ARHGAP24: variants seen among roughly 807,000 people sequenced by gnomAD.
The protein encoded by ARHGAP24 is Rho GTPase activating protein 24, also known as rho GTPase-activating protein 24.
ARHGAP24 carries 50 observed loss-of-function variants against 76.4 expected under a neutral mutation model. The ratio of observed to expected loss-of-function variants is 0.65; its 90% CI spans 0.52 to 0.83. The LOEUF (loss-of-function observed/expected upper bound fraction) is 0.83, where lower values mean the gene tolerates loss of function less well. ARHGAP24 is among the 40% of genes least tolerant of loss of function. The pLI is 0.00. For synonymous variants in ARHGAP24, 345 were observed against 323.3 expected (o/e 1.07, Z -0.72); for missense variants, 930 against 914.2 (o/e 1.02, Z -0.22).
chr4:85,643,103 A>C (rs1362079456), intron 2 of ARHGAP24, among the ~76,000 whole-genome samples: 5 of 152,008 alleles, frequency 3.3e-5, no homozygotes. Flanking sequence ...ATCTTTGTGC[A>C]CATGTTACTT....
intron 2 of ARHGAP24, among the ~76,000 whole-genome samples, chr4:85,585,095 G>A (rs1052632401): frequency 1.3e-5 from 2 of 152,046 alleles, no homozygotes; most frequent in Non-Finnish European, 2.9e-5. Flanking sequence ...AGCTCTATGG[G>A]CATTTGCAGG....
At chr4:85,968,931 A>C (rs2148848654) in intron 5 of ARHGAP24, among the ~76,000 whole-genome samples, 1 of 152,268 alleles carries the variant, frequency 6.6e-6, no homozygotes. Flanking sequence ...ATTTCTATAT[A>C]ATTAGCTGTG....
At chr4:85,624,657 A>G (rs911103699) in intron 2 of ARHGAP24, among the ~76,000 whole-genome samples, 8 of 152,192 alleles carry the variant, frequency 5.3e-5, no homozygotes, top group Non-Finnish European at 8.8e-5. Flanking sequence ...TTTCAGAAGG[A>G]ATGGTACCAG....
At chr4:85,737,137 TG>T (rs1470315964) in intron 3 of ARHGAP24, among the ~76,000 whole-genome samples, 1 of 152,126 alleles carries the variant, frequency 6.6e-6, no homozygotes, top group Non-Finnish European at 1.5e-5. Context: ...TTTGTTTGTT[TG>T]TTTGTTTTTT....
At chr4:85,738,405 C>CATT (rs1243287163) in intron 3 of ARHGAP24, among the ~76,000 whole-genome samples, 1,503 of 76,922 alleles carry the variant, frequency 0.02, 15 homozygotes, top group South Asian at 0.062. Context: ...TTATTATTAT[C>CATT]ATTATTATTA....
chr4:85,580,500 AT>A (rs1727563671), intron 2 of ARHGAP24, among the ~76,000 whole-genome samples: 1 of 152,090 alleles, frequency 6.6e-6, no homozygotes, highest in Non-Finnish European at 1.5e-5. Flanking sequence ...ACTTTTCATT[AT>A]TTCACATGAA....
At chr4:85,665,698 A>G (rs1376042487) in intron 2 of ARHGAP24, among the ~76,000 whole-genome samples, 1 of 152,120 alleles carries the variant, frequency 6.6e-6, no homozygotes, top group East Asian at 1.9e-4. Context: ...GAGCTCTTTT[A>G]GGGCAGGCCT....
At chr4:85,981,270 G>A (rs114026772) in intron 8 of ARHGAP24, among the ~76,000 whole-genome samples, 187 of 152,232 alleles carry the variant, frequency 1.2e-3, no homozygotes, top group African/African-American at 4.3e-3. Flanking sequence ...TGAACTAAAC[G>A]TTTCACTTCA....
intron 2 of ARHGAP24, among the ~76,000 whole-genome samples, chr4:85,603,116 A>G (rs941132321): frequency 2.0e-5 from 3 of 152,236 alleles, no homozygotes; most frequent in Non-Finnish European, 4.4e-5. Context: ...TAGTAAACAA[A>G]TAAATATGTT....
rs764412573 is a variant in ARHGAP24, at chr4:85,942,137, T to C, written c.463T>C (p.Leu155=). ...ATATGGGAACCGTCTGGCTCCGATG[T>C]TGGTGGAGCAGTGCGTGGACTTTAT... ...KRYGNRLAPM[L]VEQCVDFIRQ... is the part of the protein sequence containing the mutation. Residue 155 remains leucine, a synonymous_variant, in exon 5 of 10, where the codon TTG becomes CTG. Transcript: ENST00000395184. The C allele has an allele frequency of 8.1e-6, 13 of 1,613,912 alleles. No homozygotes were observed. Among genetic ancestry groups the C allele is most frequent in the South Asian group, 1.1e-5 (1 of 91,056 alleles).
At chr4:85,548,802 T>C (rs10029756) in intron 1 of ARHGAP24, among the ~76,000 whole-genome samples, 89,505 of 151,944 alleles carry the variant, frequency 0.59, 27,608 homozygotes, top group Middle Eastern at 0.74. Context: ...CTTAGAAAGG[T>C]CCCTTGTGCC....
At chr4:85,834,038 A>G (rs938707444) in intron 3 of ARHGAP24, among the ~76,000 whole-genome samples, 1 of 152,236 alleles carries the variant, frequency 6.6e-6, no homozygotes, top group Non-Finnish European at 1.5e-5. Flanking sequence ...GAAAATATGT[A>G]TGTATGTATT....
chr4:85,519,511 A>G (rs988367561), intron 1 of ARHGAP24, among the ~76,000 whole-genome samples: 1 of 152,140 alleles, frequency 6.6e-6, no homozygotes, highest in Non-Finnish European at 1.5e-5. Flanking sequence ...ATTAACTATC[A>G]TTAATGAGAG....
intron 3 of ARHGAP24, among the ~76,000 whole-genome samples, chr4:85,740,892 T>TA (rs906607094): frequency 6.6e-6 from 1 of 152,214 alleles, no homozygotes; most frequent in African/African-American, 2.4e-5. Context: ...TCCCTATGCA[T>TA]AAAAAAGCAG....
intron 3 of ARHGAP24, among the ~76,000 whole-genome samples, chr4:85,741,442 T>C (rs1181104154): frequency 6.6e-6 from 1 of 152,258 alleles, no homozygotes; most frequent in Non-Finnish European, 1.5e-5. Flanking sequence ...CAAATAGTTT[T>C]ACAGCGATAT....
chr4:85,603,774 C>T (rs116617583), intron 2 of ARHGAP24, among the ~76,000 whole-genome samples: 1,728 of 152,266 alleles, frequency 0.011, 37 homozygotes, highest in African/African-American at 0.039. Context: ...TGAGATTGCA[C>T]TAATGGTTCA....
intron 2 of ARHGAP24, among the ~76,000 whole-genome samples, chr4:85,706,990 C>T (rs1017150335): frequency 6.6e-6 from 1 of 152,184 alleles, no homozygotes; most frequent in Non-Finnish European, 1.5e-5. Flanking sequence ...TCATAGCTCA[C>T]TGTAGCCTTG....
In ARHGAP24 at chr4:85,603,968, C is replaced by A. The variant is rs571459661; in HGVS notation, c.180+33247C>A. On this transcript the variant is annotated intron_variant, in intron 2 of 9. Coordinates refer to ENST00000395184, the MANE Select transcript of ARHGAP24 (RefSeq NM_001025616.3). ...AATGAGCAAAAAGAATACTCATTCA[C>A]CTTCCCCAGTATTTTTAGAATTGCT... Among the ~76,000 whole-genome samples the A allele has an allele frequency of 1.6e-4, 25 of 152,220 alleles. No homozygotes were observed. In the South Asian group the frequency reaches 4.8e-3, roughly 29 times the overall value.
intron 3 of ARHGAP24, among the ~76,000 whole-genome samples, chr4:85,736,495 G>A (rs529689269): frequency 5.9e-5 from 9 of 152,094 alleles, no homozygotes; most frequent in African/African-American, 1.9e-4. Flanking sequence ...GATTCAATTC[G>A]AATCCAAAGT....
Sources: allele counts gnomAD v4.1 joint callset (sites outside exome capture counted in the v4.1 genomes callset), GRCh38; gene constraint gnomAD v4.1.1; transcripts MANE v1.5; gene names NCBI Gene and HGNC (gene_info 2026-07-23, HGNC 2026-07-21).